The following GASK1B variants were observed in gnomAD, a reference collection of about 807,000 sequenced individuals.
The protein encoded by GASK1B is golgi associated kinase 1B.
In GASK1B, 34 loss-of-function variants were observed where a neutral mutation model predicts 42.8. That is an observed-to-expected ratio of 0.79 (90% CI 0.60 to 1.06). The LOEUF (loss-of-function observed/expected upper bound fraction) is 1.06, where lower values mean the gene tolerates loss of function less well. Among genes scored for constraint, GASK1B ranks in the 50% least tolerant of loss-of-function variants. The probability of loss-of-function intolerance (pLI) is 0.00; values close to 1 mark genes in which losing one functional copy is unlikely to be tolerated. For synonymous variants in GASK1B, 262 were observed against 259.1 expected (o/e 1.01, Z -0.11); for missense variants, 686 against 661.0 (o/e 1.04, Z -0.42).
intron 3 of GASK1B, among the ~76,000 whole-genome samples, chr4:158,133,920 C>T (rs112697877): frequency 6.8e-6 from 1 of 147,976 alleles, no homozygotes; most frequent in African/African-American, 2.5e-5. Context: ...TGTGTGTGCG[C>T]GTGCACGAAC....
intron 2 of GASK1B, among the ~76,000 whole-genome samples, chr4:158,160,121 A>T (rs951569120): frequency 2.6e-5 from 4 of 152,164 alleles, no homozygotes; most frequent in Non-Finnish European, 4.4e-5. Flanking sequence ...ATTAAAAACA[A>T]CTCTATAATA....
chr4:158,160,289 A>G (rs945986478), intron 2 of GASK1B, among the ~76,000 whole-genome samples: 2 of 152,150 alleles, frequency 1.3e-5, no homozygotes, highest in East Asian at 3.9e-4. Context: ...ATTTTTAAAA[A>G]CAGTAGGTGG....
At chr4:158,133,578 C>T (rs1406127257) in intron 3 of GASK1B, among the ~76,000 whole-genome samples, 1 of 152,092 alleles carries the variant, frequency 6.6e-6, no homozygotes, top group Non-Finnish European at 1.5e-5. Context: ...CTTCTGTAAA[C>T]ATTATATTTT....
rs1244621245 is a variant in GASK1B at position 158,131,016 on chromosome 4, T to G, written c.1126-4A>C. 35 of 1,608,706 alleles carry G rather than the reference T, an allele frequency of 2.2e-5. No individual in the cohort carries two copies. The highest frequency in any genetic ancestry group is 5.4e-5 in the African/African-American group (4 of 74,722). ...TTGTATCTAAGCGATTATAAATCTG[T>G]AAATGGAAAACACAAAATCCAAGAT... On this transcript the variant is annotated splice_polypyrimidine_tract_variant and splice_region_variant and intron_variant, in intron 3 of 4. Coordinates refer to ENST00000585682, the MANE Select transcript of GASK1B (RefSeq NM_001128424.2).
At chr4:158,159,631 A>C in intron 2 of GASK1B, 1 of 295,622 alleles carries the variant, frequency 3.4e-6, no homozygotes, top group South Asian at 2.6e-5. Flanking sequence ...AAATTCTGTC[A>C]CAGTGGTGAG....
chr4:158,131,852 CTGAG>C (rs558597828), intron 3 of GASK1B, among the ~76,000 whole-genome samples: 80 of 152,214 alleles, frequency 5.3e-4, no homozygotes, highest in African/African-American at 1.9e-3. Context: ...ATGTAAACGC[CTGAG>C]TAACAGGAAT....
intron 2 of GASK1B, among the ~76,000 whole-genome samples, chr4:158,162,828 G>C (rs1300359867): frequency 6.6e-6 from 1 of 152,170 alleles, no homozygotes; most frequent in East Asian, 1.9e-4. Flanking sequence ...GATTAACTGG[G>C]AAAGCCCCAT....
intron 3 of GASK1B, among the ~76,000 whole-genome samples, chr4:158,151,386 C>CAACAGA (rs1394649664): frequency 6.6e-6 from 1 of 152,186 alleles, no homozygotes; most frequent in Non-Finnish European, 1.5e-5. Context: ...ACTTTACCAT[C>CAACAGA]AACAGATCCC....
rs748461092 is a variant in GASK1B at position 158,127,410 on chromosome 4, T to C, written c.1557A>G (p.Glu519=). ...CCCTAGCCAGAAGATTCTTTTGTCA[T>C]TCATTCATAGGTAATACTTTGACCC... is the stretch of plus-strand genomic sequence containing the variant. ...AHGVKVLPMN[E] The change falls in exon 5 of 5, where the codon GAA becomes GAG. Residue 519 remains glutamate, a synonymous_variant. Coordinates refer to ENST00000585682, the MANE Select transcript of GASK1B (RefSeq NM_001128424.2). 5 of 1,610,820 alleles carry C rather than the reference T, an allele frequency of 3.1e-6. No homozygotes were observed. The South Asian group carries it at 4.4e-5, about 14-fold the overall frequency.
At chr4:158,159,313 C>T (rs560428837) in intron 2 of GASK1B, among the ~76,000 whole-genome samples, 1 of 152,220 alleles carries the variant, frequency 6.6e-6, no homozygotes, top group East Asian at 1.9e-4. Context: ...GGCCTTCTTG[C>T]TACATATACG....
rs753942239 is a variant in GASK1B, at chr4:158,170,548, C to G, written c.828G>C (p.Glu276Asp). The change falls in exon 2 of 5, where the codon GAG becomes GAC. Residue 276 changes from glutamate (E) to aspartate (D), a missense_variant. Transcript: ENST00000585682. ...TCCTGTCTAGGTGGAAGGCAAACACCTCACTCATGTCCAAGGGCTGCTTGA... is the reference window on the plus strand; with the variant it reads ...TCCTGTCTAGGTGGAAGGCAAACACGTCACTCATGTCCAAGGGCTGCTTGA... ...GLLKQPLDMSEVFAFHLDRIL... is the reference protein window; with the variant it reads ...GLLKQPLDMSDVFAFHLDRIL... 3.7e-6 allele frequency: 6 copies of G among 1,614,264 alleles called. No homozygotes were observed. In the South Asian group the frequency reaches 5.5e-5, roughly 15 times the overall value.
At chr4:158,165,061 C>T (rs993102461) in intron 2 of GASK1B, among the ~76,000 whole-genome samples, 1 of 152,190 alleles carries the variant, frequency 6.6e-6, no homozygotes, top group Non-Finnish European at 1.5e-5. Flanking sequence ...TTCAGTCTGA[C>T]AGCTTTGTGG....
chr4:158,127,308 G>C lies in GASK1B; in HGVS notation c.*99C>G. ...TTTATTTTACGTATTCATCTACACT[G>C]CCTCATTGCTAAACGGGCTTGAGGT... On this transcript the variant is annotated 3_prime_UTR_variant, in exon 5 of 5. Coordinates refer to ENST00000585682, the MANE Select transcript of GASK1B (RefSeq NM_001128424.2). The C allele has an allele frequency of 2.1e-6, 2 of 932,268 alleles. No homozygotes were observed. Among genetic ancestry groups the C allele is most frequent in the Non-Finnish European group, 1.7e-6 (1 of 597,364 alleles). The allele number at this position is 932,268 out of a possible 1,614,324, so 57.7% of individuals were successfully genotyped here. A position where few individuals can be genotyped will look rare whatever the true frequency, so the allele number is the denominator to read the frequency against.
intron 2 of GASK1B, among the ~76,000 whole-genome samples, chr4:158,162,577 A>G (rs1271231366): frequency 6.6e-6 from 1 of 152,206 alleles, no homozygotes; most frequent in Non-Finnish European, 1.5e-5. Context: ...CACTTGAGAC[A>G]TAGAGACAGG....
At chr4:158,165,437 T>C (rs909899495) in intron 2 of GASK1B, among the ~76,000 whole-genome samples, 17 of 152,178 alleles carry the variant, frequency 1.1e-4, no homozygotes, top group African/African-American at 3.4e-4. Flanking sequence ...AAAACAAATA[T>C]GTTCATCACA....
rs1731728607 is a variant in GASK1B, at chr4:158,155,643, A to T, written c.1093T>A (p.Ser365Thr). The T allele has an allele frequency of 1.2e-6, 2 of 1,613,650 alleles. No individual in the cohort carries two copies. The highest frequency in any genetic ancestry group is 1.7e-5 in the Admixed American group (1 of 59,962). Reference sequence around the variant, plus strand: ...AAAAAATCAAAGAGTGCCATCTTGGACCACTCATGATGATGTATTTCAGTA... The same window carrying T: ...AAAAAATCAAAGAGTGCCATCTTGGTCCACTCATGATGATGTATTTCAGTA... ...GCTEIHHHEW[S>T]KMALFDFLLQ... is the part of the protein sequence containing the mutation. Residue 365 changes from serine (S) to threonine (T), a missense_variant, in exon 3 of 5, where the codon TCC (serine) becomes ACC (threonine). Coordinates refer to ENST00000585682, the MANE Select transcript of GASK1B (RefSeq NM_001128424.2).
chr4:158,172,295 C>T (rs1732587659), intron 1 of GASK1B: 1 of 152,062 alleles, frequency 6.6e-6, no homozygotes, highest in South Asian at 2.1e-4. Flanking sequence ...TGTTTTTTCA[C>T]TATTAAAAAG....
intron 3 of GASK1B, among the ~76,000 whole-genome samples, chr4:158,135,320 CAA>C (rs1219141206): frequency 1.7e-3 from 94 of 56,216 alleles, no homozygotes; most frequent in Admixed American, 2.2e-3. Context: ...GACTCCGTCT[CAA>C]AAAAAAAAAA....
At chr4:158,135,269 C>T (rs1451946107) in intron 3 of GASK1B, among the ~76,000 whole-genome samples, 1 of 141,268 alleles carries the variant, frequency 7.1e-6, no homozygotes, top group South Asian at 2.2e-4. Context: ...TGCAGTGAGC[C>T]GAGATCGCCC....
Sources: gnomAD v4.1 joint callset for allele counts (sites outside exome capture counted in the v4.1 genomes callset) on GRCh38, gnomAD v4.1.1 for gene constraint, MANE v1.5 for transcripts, NCBI Gene and HGNC (gene_info 2026-07-23, HGNC 2026-07-21) for gene names.